MYO16: variants seen among roughly 807,000 people sequenced by gnomAD.
The protein encoded by MYO16 is myosin XVI, also known as unconventional myosin-XVI.
Under a neutral mutation model 205.3 loss-of-function variants are expected in MYO16, and 94 were observed. The ratio of observed to expected loss-of-function variants is 0.46; its 90% CI spans 0.39 to 0.54. MYO16 has a LOEUF of 0.54. Ranked by LOEUF, MYO16 falls within the 20% of genes least tolerant of loss-of-function variation. The probability of loss-of-function intolerance (pLI) is 0.00; values close to 1 mark genes in which losing one functional copy is unlikely to be tolerated. For synonymous variants in MYO16, 988 were observed against 954.0 expected (o/e 1.04, Z -0.66); for missense variants, 2,315 against 2,387.5 (o/e 0.97, Z 0.63).
At position 109,184,189 on chromosome 13, in the gene MYO16, A is replaced by C. The variant is rs182543557; in HGVS notation, c.5415+4556A>C. Among the ~76,000 whole-genome samples, 191 of 152,262 alleles carry C rather than the reference A, an allele frequency of 1.3e-3. 1 individual carries two copies. Among genetic ancestry groups the C allele is most frequent in the African/African-American group, 4.5e-3 (185 of 41,568 alleles). On this transcript the variant is annotated intron_variant, in intron 34 of 34. Transcript: ENST00000457511. The stretch of plus-strand genomic sequence containing the variant: ...ACCCTTTCAAAAGGAAACATATATA[A>C]ATATATATTTTATATAACCATATAT...
At chr13:108,740,744 A>G (rs1884878540) in intron 4 of MYO16, among the ~76,000 whole-genome samples, 1 of 152,182 alleles carries the variant, frequency 6.6e-6, no homozygotes. Context: ...TGGAGTCTAC[A>G]AAGGCAGGCA....
chr13:109,175,542 G>T (rs924489124), intron 33 of MYO16, among the ~76,000 whole-genome samples: 2 of 152,108 alleles, frequency 1.3e-5, no homozygotes, highest in Non-Finnish European at 2.9e-5. Flanking sequence ...CTGTCATTTG[G>T]GCAAGAATGG....
At chr13:108,622,888 G>A (rs1444857827) in intron 1 of MYO16, among the ~76,000 whole-genome samples, 1 of 151,988 alleles carries the variant, frequency 6.6e-6, no homozygotes, top group Non-Finnish European at 1.5e-5. Context: ...CATCCTGCAA[G>A]GGCAGTGGAA....
chr13:108,535,104 TCTC>T, the MYO16 span, among the ~76,000 whole-genome samples: 10 of 150,176 alleles, frequency 6.7e-5, no homozygotes, highest in South Asian at 8.6e-4. Flanking sequence ...CTTCCCTCCT[TCTC>T]CTCCTCCTTT....
the MYO16 span, among the ~76,000 whole-genome samples, chr13:108,549,002 G>T: frequency 2.0e-5 from 3 of 152,100 alleles, no homozygotes; most frequent in African/African-American, 7.2e-5. Context: ...AGAGAAGAGA[G>T]AATTCCCACA....
chr13:108,709,002 C>G (rs542029635), intron 2 of MYO16, among the ~76,000 whole-genome samples: 8 of 151,650 alleles, frequency 5.3e-5, no homozygotes, highest in Admixed American at 3.3e-4. Context: ...CCCCCCACCC[C>G]CTCCCACAGG....
At chr13:108,914,498 A>G (rs1420580481) in intron 16 of MYO16, among the ~76,000 whole-genome samples, 3 of 152,078 alleles carry the variant, frequency 2.0e-5, no homozygotes, top group African/African-American at 7.2e-5. Flanking sequence ...CTTCCTTCAA[A>G]TTCATTCTCT....
At chr13:108,661,392 A>G (rs918345698) in intron 1 of MYO16, among the ~76,000 whole-genome samples, 1 of 151,698 alleles carries the variant, frequency 6.6e-6, no homozygotes, top group African/African-American at 2.4e-5. Flanking sequence ...GTTTTTCAGA[A>G]TTTTCTTCTT....
chr13:108,718,450 C>T (rs1000623092), intron 3 of MYO16, among the ~76,000 whole-genome samples: 8 of 151,650 alleles, frequency 5.3e-5, no homozygotes, highest in Non-Finnish European at 1.0e-4. Flanking sequence ...GCCCCCACTC[C>T]ACATCCTCCA....
At chr13:108,618,506 G>A (rs1879428096) in intron 1 of MYO16, among the ~76,000 whole-genome samples, 1 of 152,152 alleles carries the variant, frequency 6.6e-6, no homozygotes, top group Admixed American at 6.5e-5. Context: ...ATTGTATATG[G>A]TATGAAGGAG....
chr13:108,647,064 C>A (rs1324750015), intron 1 of MYO16, among the ~76,000 whole-genome samples: 1 of 152,106 alleles, frequency 6.6e-6, no homozygotes, highest in Non-Finnish European at 1.5e-5. Context: ...AAATCCATGG[C>A]ATTTTCCCTT....
At chr13:108,970,976 G>GTATT (rs1220697450) in intron 20 of MYO16, among the ~76,000 whole-genome samples, 3 of 152,072 alleles carry the variant, frequency 2.0e-5, no homozygotes, top group African/African-American at 7.2e-5. Context: ...GATCTAAAGT[G>GTATT]TATTTAATTT....
rs1887372802 is a variant in MYO16, at chr13:109,055,195, C to T, written c.3129+69C>T. ...AGCAACTAAAGAGGGTTTATGTAGA[C>T]TTTTTTTTCCATTTTTGACAACTTA... On this transcript the variant is annotated intron_variant, in intron 26 of 34. Coordinates refer to ENST00000457511, the MANE Select transcript of MYO16 (RefSeq NM_001198950.3). This position sits in a 1 kb window ranked among gnomAD's most constrained non-coding sequence, Gnocchi z 5.0. 7.6e-7 allele frequency: 1 copy of T among 1,323,058 alleles called. No homozygotes were observed. Among genetic ancestry groups the T allele is most frequent in the African/African-American group, 1.5e-5 (1 of 66,916 alleles). The allele number at this position is 1,323,058 out of a possible 1,614,324, so 82.0% of individuals were successfully genotyped here.
chr13:108,947,508 G>A (rs112001658), intron 16 of MYO16, among the ~76,000 whole-genome samples: 1 of 152,166 alleles, frequency 6.6e-6, no homozygotes, highest in African/African-American at 2.4e-5. Context: ...TGAGCAAAAA[G>A]GTATTTTTCT....
At chr13:109,152,211 GA>G (rs1421635437) in intron 32 of MYO16, among the ~76,000 whole-genome samples, 1 of 152,172 alleles carries the variant, frequency 6.6e-6, no homozygotes, top group Non-Finnish European at 1.5e-5. Context: ...AGTCCCCTTA[GA>G]TTTTTAATTG....
chr13:108,498,090 C>T, the MYO16 span, among the ~76,000 whole-genome samples: 2 of 152,114 alleles, frequency 1.3e-5, no homozygotes, highest in African/African-American at 2.4e-5. Context: ...AGAAGAGATA[C>T]GGCATTGGAA....
At chr13:108,920,962 A>G (rs1335935637) in intron 16 of MYO16, among the ~76,000 whole-genome samples, 1 of 152,084 alleles carries the variant, frequency 6.6e-6, no homozygotes, top group East Asian at 1.9e-4. Flanking sequence ...GCGTGGCCCA[A>G]ATGTCTGCTT....
At chr13:109,041,973 T>C (rs1886898786) in intron 23 of MYO16, among the ~76,000 whole-genome samples, 1 of 151,910 alleles carries the variant, frequency 6.6e-6, no homozygotes, top group Admixed American at 6.6e-5. Context: ...CAAGCGATTC[T>C]CCTGCCTCAG....
the MYO16 span, among the ~76,000 whole-genome samples, chr13:108,503,384 A>T: frequency 2.0e-5 from 3 of 152,172 alleles, no homozygotes; most frequent in Admixed American, 6.6e-5. Flanking sequence ...ATTTCAAAGC[A>T]GACCTGTTCT....
Sources: allele counts gnomAD v4.1 joint callset (sites outside exome capture counted in the v4.1 genomes callset), GRCh38; gene constraint gnomAD v4.1.1; non-coding constraint Gnocchi (gnomAD v3.1); transcripts MANE v1.5; gene names NCBI Gene and HGNC (gene_info 2026-07-23, HGNC 2026-07-21).